Variants in LEKR1 observed in about 807,000 individuals in gnomAD.
LEKR1 encodes protein LEKR1.
LEKR1 carries 59 observed loss-of-function variants against 72.4 expected under a neutral mutation model. The ratio of observed to expected loss-of-function variants is 0.82; its 90% confidence interval spans 0.66 to 1.01. The LOEUF (loss-of-function observed/expected upper bound fraction) is 1.01. LEKR1 is among the 50% of genes least tolerant of loss of function. The probability of loss-of-function intolerance (pLI) is 0.00; values close to 1 mark genes in which losing one functional copy is unlikely to be tolerated. For synonymous variants in LEKR1, 257 were observed against 263.2 expected (o/e 0.98, Z 0.23); for missense variants, 728 against 759.2 (o/e 0.96, Z 0.48).
chr3:156,829,001 A>C (rs895083897), intron 1 of LEKR1, among the ~76,000 whole-genome samples: 1 of 151,848 alleles, frequency 6.6e-6, no homozygotes, highest in South Asian at 2.1e-4. Context: ...TTGAAAAACA[A>C]TTAGTAGTAA....
At position 157,031,265 on chromosome 3, in the gene LEKR1, T is replaced by C. The variant is rs1157050266; in HGVS notation, c.1668+2863T>C. ...AAGCCACTTAGGAATAAAGCTTTTT[T>C]AAAAAAATGTGGACTGAAAGACATA... is the stretch of plus-strand genomic sequence containing the variant. On this transcript the variant is annotated intron_variant, in intron 12 of 12. Coordinates refer to ENST00000356539, the MANE Select transcript of LEKR1 (RefSeq NM_001004316.3). 2.0e-5 allele frequency among the ~76,000 whole-genome samples: 3 copies of C among 152,050 alleles called. No individual in the cohort carries two copies. In the South Asian group the frequency reaches 6.2e-4, roughly 32 times the overall value.
chr3:156,939,731 G>A (rs926434605), intron 5 of LEKR1, among the ~76,000 whole-genome samples: 6 of 151,936 alleles, frequency 3.9e-5, no homozygotes, highest in African/African-American at 1.2e-4. Context: ...AGTTTTTATA[G>A]ATGAAATTTT....
intron 6 of LEKR1, among the ~76,000 whole-genome samples, chr3:156,977,392 G>A (rs1353316621): frequency 1.3e-5 from 2 of 152,132 alleles, no homozygotes; most frequent in African/African-American, 4.8e-5. Context: ...TTGAACCTGT[G>A]ATCAAACAAC....
At chr3:157,032,812 T>G (rs576229499) in intron 12 of LEKR1, among the ~76,000 whole-genome samples, 56 of 24,316 alleles carry the variant, frequency 2.3e-3, no homozygotes, top group East Asian at 3.6e-3. Context: ...GATACTGTGG[T>G]TTTTTTTTCC....
intron 3 of LEKR1, among the ~76,000 whole-genome samples, chr3:156,870,156 T>C (rs528079248): frequency 6.6e-6 from 1 of 152,234 alleles, no homozygotes; most frequent in South Asian, 2.1e-4. Flanking sequence ...CCAGCTTTGT[T>C]CTTTTTGCTC....
intron 7 of LEKR1, among the ~76,000 whole-genome samples, chr3:156,988,993 G>A (rs1454131499): frequency 2.6e-5 from 4 of 151,780 alleles, no homozygotes; most frequent in African/African-American, 2.4e-5. Context: ...CACCACACCC[G>A]GCTAATTTTT....
chr3:156,889,243 A>C (rs1201999080), intron 3 of LEKR1, among the ~76,000 whole-genome samples: 1 of 151,936 alleles, frequency 6.6e-6, no homozygotes, highest in Admixed American at 6.6e-5. Flanking sequence ...GATAGCAAGA[A>C]TTATACTAAA....
At chr3:156,832,634 C>A (rs573538924) in intron 2 of LEKR1, among the ~76,000 whole-genome samples, 4 of 152,352 alleles carry the variant, frequency 2.6e-5, no homozygotes, top group Admixed American at 2.6e-4. Flanking sequence ...AAGGATTCAT[C>A]TGTGCCTGCA....
At chr3:156,886,402 C>G (rs529195378) in intron 3 of LEKR1, among the ~76,000 whole-genome samples, 53 of 152,244 alleles carry the variant, frequency 3.5e-4, no homozygotes, top group African/African-American at 1.2e-3. Context: ...CCATCAGTGG[C>G]GCCTCCTGGG....
Position 157,045,971 on chromosome 3 carries a change from A to T in LEKR1, c.*221A>T. 4.0e-6 allele frequency: 2 copies of T among 501,634 alleles called. No homozygotes were observed. The highest frequency in any genetic ancestry group is 7.0e-6 in the Non-Finnish European group (2 of 286,238). The allele number at this position is 501,634 out of a possible 1,614,324, so 31.1% of individuals were successfully genotyped here. A position where few individuals can be genotyped will look rare whatever the true frequency, so the allele number is the denominator to read the frequency against. The stretch of plus-strand genomic sequence containing the variant: ...AGTAACAGATCATTAAGTTGTTGGT[A>T]TTCCAGAGGTCCGATTTCTATGTTT... On this transcript the variant is annotated 3_prime_UTR_variant, in exon 13 of 13. Coordinates refer to ENST00000356539, the MANE Select transcript of LEKR1 (RefSeq NM_001004316.3).
chr3:157,045,470 G>A lies in LEKR1; in HGVS notation c.1799G>A (p.Cys600Tyr). The change falls in exon 13 of 13, where the codon TGT becomes TAT. Residue 600 changes from cysteine to tyrosine, a missense_variant. Cys to Tyr is a radical substitution (Grantham distance 194, BLOSUM62 -2). Transcript: ENST00000356539. The part of the protein sequence containing the change: ...KLRGSLPFSP[C>Y]SLSKGSLTSP... ...CGTGGAAGTTTACCATTCTCACCGT[G>A]TTCCCTCAGCAAGGGCAGCCTAACC... The A allele has an allele frequency of 6.2e-7, 1 of 1,614,110 alleles. No individual in the cohort carries two copies. Among genetic ancestry groups the A allele is most frequent in the Non-Finnish European group, 8.5e-7 (1 of 1,180,012 alleles).
intron 10 of LEKR1, among the ~76,000 whole-genome samples, chr3:157,016,673 G>A (rs1172725724): frequency 6.6e-6 from 1 of 152,114 alleles, no homozygotes; most frequent in African/African-American, 2.4e-5. Flanking sequence ...AACACTGTGG[G>A]TAAAGATATG....
intron 6 of LEKR1, among the ~76,000 whole-genome samples, chr3:156,974,708 G>A (rs1482733078): frequency 6.6e-6 from 1 of 151,842 alleles, no homozygotes; most frequent in African/African-American, 2.4e-5. Context: ...TGCCAGCAAC[G>A]CCCCCCTCTA....
At chr3:157,027,279 T>C (rs537331686) in intron 11 of LEKR1, among the ~76,000 whole-genome samples, 1 of 152,166 alleles carries the variant, frequency 6.6e-6, no homozygotes, top group South Asian at 2.1e-4. Flanking sequence ...TAGCATAGAA[T>C]ATCTCTAACA....
chr3:156,950,428 A>G (rs1247674961), intron 6 of LEKR1, among the ~76,000 whole-genome samples: 3 of 151,666 alleles, frequency 2.0e-5, no homozygotes, highest in African/African-American at 7.3e-5. Context: ...TGCTTTGGGC[A>G]GTATGGCCAT....
intron 5 of LEKR1, among the ~76,000 whole-genome samples, chr3:156,941,258 C>A (rs757145560): frequency 4.6e-5 from 7 of 152,046 alleles, no homozygotes; most frequent in Non-Finnish European, 1.0e-4. Context: ...AGAGAAAGTG[C>A]CAGACCCCTT....
chr3:156,921,384 A>G (rs1724181842), intron 4 of LEKR1, among the ~76,000 whole-genome samples: 1 of 152,100 alleles, frequency 6.6e-6, no homozygotes, highest in Non-Finnish European at 1.5e-5. Context: ...TTTGCTTTTT[A>G]TCTAAGAATT....
At chr3:156,974,263 A>G (rs1729502197) in intron 6 of LEKR1, among the ~76,000 whole-genome samples, 1 of 152,156 alleles carries the variant, frequency 6.6e-6, no homozygotes, top group Non-Finnish European at 1.5e-5. Context: ...GACTAAAAAG[A>G]ATAAGAGTCA....
At chr3:157,034,238 A>G (rs142685857) in intron 12 of LEKR1, among the ~76,000 whole-genome samples, 315 of 152,348 alleles carry the variant, frequency 2.1e-3, no homozygotes, top group African/African-American at 7.2e-3. Flanking sequence ...AATATATTTC[A>G]TAAGATGATA....
Sources: allele counts gnomAD v4.1 joint callset (sites outside exome capture counted in the v4.1 genomes callset), GRCh38; gene constraint gnomAD v4.1.1; transcripts MANE v1.5; gene names NCBI Gene and HGNC (gene_info 2026-07-23, HGNC 2026-07-21).